TBC1D22A: variants seen among roughly 807,000 people sequenced by gnomAD.
TBC1D22A encodes the protein putative GTPase activator.
In TBC1D22A, 38 loss-of-function variants were observed where a neutral mutation model predicts 60.2. The observed-to-expected ratio is 0.63, with a 90% CI of 0.49 to 0.83. TBC1D22A has a LOEUF of 0.83. Ranked by LOEUF, TBC1D22A falls within the 40% of genes least tolerant of loss-of-function variation. The pLI is 0.00. For synonymous variants in TBC1D22A, 302 were observed against 281.7 expected (o/e 1.07, Z -0.72); for missense variants, 628 against 701.0 (o/e 0.90, Z 1.18).
intron 5 of TBC1D22A, among the ~76,000 whole-genome samples, chr22:46,885,213 T>C (rs957024341): frequency 2.6e-5 from 4 of 152,158 alleles, no homozygotes; most frequent in African/African-American, 9.7e-5. Context: ...TGTGTGTATC[T>C]GTGGGTGGCT....
At position 46,996,087 on chromosome 22, in the gene TBC1D22A, C is replaced by T. The variant is rs140985483; in HGVS notation, c.1126-1547C>T. Among the ~76,000 whole-genome samples the T allele has an allele frequency of 1.6e-3, 250 of 152,336 alleles. 1 individual carries two copies. Among genetic ancestry groups the T allele is most frequent in the African/African-American group, 4.4e-3 (184 of 41,584 alleles). On this transcript the variant is annotated intron_variant, in intron 9 of 12. Coordinates refer to ENST00000337137, the MANE Select transcript of TBC1D22A (RefSeq NM_014346.5). ...GCCTGCAGACCCCTGCCCCCTCAGG[C>T]GCACAGGCAGCAGATCATCCCCCAC...
chr22:46,901,704 C>T (rs1432336902), intron 7 of TBC1D22A, among the ~76,000 whole-genome samples: 1 of 74,018 alleles, frequency 1.4e-5, no homozygotes, highest in African/African-American at 5.2e-5. Context: ...TGTTATAACT[C>T]ACATGGGGGG....
At chr22:47,161,605 A>G (rs1443308255) in intron 12 of TBC1D22A, among the ~76,000 whole-genome samples, 2 of 152,208 alleles carry the variant, frequency 1.3e-5, no homozygotes, top group Non-Finnish European at 2.9e-5. Flanking sequence ...ACCTAGTTTT[A>G]ACAGCTGGCA....
chr22:46,903,521 G>A lies in TBC1D22A; in HGVS notation c.901-8553G>A, dbSNP rs370649139. ...TCAGTGGACTTCCACCCTAGCTCTC[G>A]CCTCTGGTTGCTGCTCTGAGCGTGA... On this transcript the variant is annotated intron_variant, in intron 7 of 12. Coordinates refer to ENST00000337137, the MANE Select transcript of TBC1D22A (RefSeq NM_014346.5). Among the ~76,000 whole-genome samples, 11 of 152,182 alleles carry A rather than the reference G, an allele frequency of 7.2e-5. No homozygotes were observed. The East Asian group carries it at 7.7e-4, about 11-fold the overall frequency.
chr22:46,904,123 CTATCTATCTATCTAT>C lies in TBC1D22A; in HGVS notation c.901-7950_901-7936del, dbSNP rs2069229485. Among the ~76,000 whole-genome samples, 47 of 91,586 alleles carry C rather than the reference CTATCTATCTATCTAT, an allele frequency of 5.1e-4. 1 individual carries two copies. In the Admixed American group the frequency reaches 5.8e-3, roughly 11 times the overall value. The allele number at this position is 91,586 out of a possible 152,430, so 60.1% of individuals were successfully genotyped here. On this transcript the variant is annotated intron_variant, in intron 7 of 12. Coordinates refer to ENST00000337137, the MANE Select transcript of TBC1D22A (RefSeq NM_014346.5). ...TCTATCTATCTATCTATCTATCTAT[CTATCTATCTATCTAT>C]CTATCTACCTACCTACCTACCTACC...
intron 8 of TBC1D22A, among the ~76,000 whole-genome samples, chr22:46,945,662 C>T (rs2072490406): frequency 6.6e-6 from 1 of 152,190 alleles, no homozygotes; most frequent in African/African-American, 2.4e-5. Flanking sequence ...GCCTCCGAGT[C>T]CTTCTGCCCT....
At chr22:46,997,207 T>C (rs909418054) in intron 9 of TBC1D22A, among the ~76,000 whole-genome samples, 2 of 152,272 alleles carry the variant, frequency 1.3e-5, no homozygotes, top group African/African-American at 4.8e-5. Context: ...ATGATGGTGC[T>C]GTCAGCACCG....
chr22:46,955,200 T>G (rs1048964086), intron 8 of TBC1D22A, among the ~76,000 whole-genome samples: 1 of 152,076 alleles, frequency 6.6e-6, no homozygotes, highest in Non-Finnish European at 1.5e-5. Flanking sequence ...ATACCAATTA[T>G]GTTTGTTTGA....
rs141438830 is a variant in TBC1D22A, at chr22:46,902,615, G to T, written c.900+7769G>T. On this transcript the variant is annotated intron_variant, in intron 7 of 12. Transcript: ENST00000337137. ...AGTTGCTGTCCTGGGACAGAGCCCC[G>T]CTGTGTCCGCTAAACCAGCCCTTCC... Among the ~76,000 whole-genome samples the T allele has an allele frequency of 2.6e-3, 399 of 152,354 alleles. 2 individuals are homozygous for T. Among genetic ancestry groups the T allele is most frequent in the African/African-American group, 9.2e-3 (381 of 41,582 alleles).
chr22:46,912,328 C>T (rs2069991741), intron 8 of TBC1D22A, 140 bp downstream of exon 8: 2 of 576,056 alleles, frequency 3.5e-6, no homozygotes, highest in African/African-American at 1.9e-5. Context: ...ATAGTTTTCT[C>T]ATCAACAACA....
At chr22:46,844,147 C>G (rs900485052) in intron 4 of TBC1D22A, among the ~76,000 whole-genome samples, 2 of 150,566 alleles carry the variant, frequency 1.3e-5, no homozygotes, top group South Asian at 2.1e-4. Context: ...CGTGGGCACT[C>G]TGGTCCAAGC....
chr22:46,888,746 T>TG (rs2068245983), intron 5 of TBC1D22A, among the ~76,000 whole-genome samples: 1 of 152,202 alleles, frequency 6.6e-6, no homozygotes, highest in South Asian at 2.1e-4. Context: ...CTTGCTCTGT[T>TG]GCCCAGGCTG....
At chr22:47,078,330 G>A (rs1006698165) in intron 11 of TBC1D22A, among the ~76,000 whole-genome samples, 7 of 152,196 alleles carry the variant, frequency 4.6e-5, no homozygotes, top group Non-Finnish European at 1.0e-4. Flanking sequence ...AATCTATACT[G>A]TAAGATTTTT....
chr22:47,136,630 G>A (rs924854466), intron 12 of TBC1D22A, among the ~76,000 whole-genome samples: 1 of 152,184 alleles, frequency 6.6e-6, no homozygotes. Context: ...CCAAGAGCCC[G>A]GGCAATCAGG....
At chr22:46,803,488 G>A (rs2084990127) in intron 4 of TBC1D22A, among the ~76,000 whole-genome samples, 1 of 152,194 alleles carries the variant, frequency 6.6e-6, no homozygotes, top group Non-Finnish European at 1.5e-5. Flanking sequence ...AGGCGGGGAG[G>A]GCGGTTGGTT....
intron 12 of TBC1D22A, among the ~76,000 whole-genome samples, chr22:47,159,530 GCACA>G (rs779791754): frequency 7.3e-5 from 11 of 149,906 alleles, no homozygotes; most frequent in Non-Finnish European, 7.4e-5. Flanking sequence ...TTTACACACA[GCACA>G]CACACGATGT....
intron 8 of TBC1D22A, among the ~76,000 whole-genome samples, chr22:46,962,566 C>T (rs969036446): frequency 6.6e-6 from 1 of 152,260 alleles, no homozygotes; most frequent in East Asian, 1.9e-4. Context: ...CTTACTGGGG[C>T]ATTCTTTGTA....
chr22:46,805,161 T>C (rs2085073519), intron 4 of TBC1D22A, among the ~76,000 whole-genome samples: 1 of 152,246 alleles, frequency 6.6e-6, no homozygotes, highest in African/African-American at 2.4e-5. Context: ...CTGGAGTCAC[T>C]CATCCTCCTG....
At chr22:47,111,704 G>T (rs375291702) in intron 12 of TBC1D22A, 101 bp downstream of exon 12, 2 of 1,108,296 alleles carry the variant, frequency 1.8e-6, no homozygotes. Context: ...AGAGTTTTGA[G>T]AAGCGCTGCC....
Sources: allele counts gnomAD v4.1 joint callset (sites outside exome capture counted in the v4.1 genomes callset), GRCh38; gene constraint gnomAD v4.1.1; transcripts MANE v1.5; gene names NCBI Gene and HGNC (gene_info 2026-07-23, HGNC 2026-07-21).